The following DAP variants were observed in gnomAD, a reference collection of about 807,000 sequenced individuals.
DAP encodes the protein death-associated protein 1.
DAP carries 8 observed loss-of-function variants against 13.8 expected under a neutral mutation model. That is an observed-to-expected ratio of 0.58 (90% CI 0.34 to 1.05). The LOEUF is 1.05. Among genes scored for constraint, DAP ranks in the 50% least tolerant of loss-of-function variants. DAP has a pLI of 0.03. For synonymous variants in DAP, 47 were observed against 47.5 expected (o/e 0.99, Z 0.04); for missense variants, 106 against 133.2 (o/e 0.80, Z 1.01).
intron 2 of DAP, among the ~76,000 whole-genome samples, chr5:10,711,057 A>G (rs1266639702): frequency 6.6e-6 from 1 of 152,240 alleles, no homozygotes; most frequent in African/African-American, 2.4e-5. Flanking sequence ...TTAATTAAAC[A>G]TCAGTGAATC....
At chr5:10,739,787 T>TCACACACACACACACA (rs35309839) in intron 2 of DAP, among the ~76,000 whole-genome samples, 5 of 148,614 alleles carry the variant, frequency 3.4e-5, no homozygotes, top group African/African-American at 1.2e-4. Context: ...CTAAATTAAC[T>TCACACACACACACACA]CACACACACA....
rs865977902 is a variant in DAP at position 10,707,494 on chromosome 5, G to T, written c.153-23923C>A. Among the ~76,000 whole-genome samples the T allele has an allele frequency of 2.0e-5, 3 of 151,824 alleles. No homozygotes were observed. Among genetic ancestry groups the T allele is most frequent in the Non-Finnish European group, 4.4e-5 (3 of 68,016 alleles). ...GGTGATGTGGTGCATAAACTATGTGGTGCACAGGCAGTGTGATGCATAGGT... is the reference window on the plus strand; with the variant it reads ...GGTGATGTGGTGCATAAACTATGTGTTGCACAGGCAGTGTGATGCATAGGT... On this transcript the variant is annotated intron_variant, in intron 2 of 3. Coordinates refer to ENST00000230895, the MANE Select transcript of DAP (RefSeq NM_004394.3). The surrounding 1 kb of genome is among the most constrained non-coding windows in gnomAD (Gnocchi z 4.0).
intron 2 of DAP, among the ~76,000 whole-genome samples, chr5:10,691,659 C>G (rs1186793364): frequency 6.6e-6 from 1 of 152,196 alleles, no homozygotes; most frequent in East Asian, 1.9e-4. Flanking sequence ...TCTCAGGAAA[C>G]AGAGAGTGAA....
At position 10,683,535 on chromosome 5, in the gene DAP, G is replaced by A. The variant is rs761591844; in HGVS notation, c.189C>T (p.Ile63=). ...PKPTVFISGV[I]ARGDKDFPPA... The stretch of plus-strand genomic sequence containing the variant: ...CAGACACTCCCAGACTTACCCGGGC[G>A]ATGACCCCAGAGATGAACACAGTGG... The change falls in exon 3 of 4, where the codon ATC becomes ATT. Residue 63 remains isoleucine, a synonymous_variant. Transcript: ENST00000230895. The A allele has an allele frequency of 3.8e-5, 62 of 1,613,930 alleles. No homozygotes were observed. Among genetic ancestry groups the A allele is most frequent in the Non-Finnish European group, 4.9e-5 (58 of 1,180,012 alleles).
intron 2 of DAP, among the ~76,000 whole-genome samples, chr5:10,729,535 T>C (rs778253220): frequency 2.0e-5 from 3 of 152,256 alleles, no homozygotes; most frequent in Non-Finnish European, 4.4e-5. Flanking sequence ...ATTCCTGACT[T>C]AGATAAATTC....
intron 2 of DAP, among the ~76,000 whole-genome samples, chr5:10,690,010 A>G (rs1339851324): frequency 6.6e-6 from 1 of 152,222 alleles, no homozygotes; most frequent in East Asian, 1.9e-4. Flanking sequence ...GCTGTGCTCC[A>G]GCGCCCCCAT....
intron 2 of DAP, among the ~76,000 whole-genome samples, chr5:10,743,423 A>C (rs747922758): frequency 5.3e-5 from 8 of 152,190 alleles, no homozygotes; most frequent in Non-Finnish European, 1.0e-4. Context: ...CCATGCAAAA[A>C]GTCAAGCTCA....
intron 2 of DAP, among the ~76,000 whole-genome samples, chr5:10,737,493 G>A (rs367673846): frequency 6.6e-6 from 1 of 152,180 alleles, no homozygotes; most frequent in African/African-American, 2.4e-5. Context: ...AAGGCAGCTG[G>A]CAACTAGCCT....
intron 2 of DAP, among the ~76,000 whole-genome samples, chr5:10,701,730 TC>T (rs1287017310): frequency 2.0e-5 from 3 of 152,154 alleles, no homozygotes; most frequent in Admixed American, 6.5e-5. Flanking sequence ...GATGGTTATG[TC>T]CCTGATTCCC....
chr5:10,692,992 A>G (rs1024539144), intron 2 of DAP, among the ~76,000 whole-genome samples: 1 of 152,142 alleles, frequency 6.6e-6, no homozygotes, highest in African/African-American at 2.4e-5. Context: ...CCAAAATAGG[A>G]TTCTGTGCAA....
In DAP at chr5:10,729,061, AG is replaced by A. The variant is rs765054934; in HGVS notation, c.152+19113del. Among the ~76,000 whole-genome samples the A allele has an allele frequency of 2.0e-4, 31 of 152,320 alleles. 1 individual carries two copies. The highest frequency in any genetic ancestry group is 7.2e-4 in the Admixed American group (11 of 15,298). ...CAACATCCATGTTGTTAATTGTCCT[AG>A]TTTTTTTCTCAACCCACGGAACTTA... On this transcript the variant is annotated intron_variant, in intron 2 of 3. Coordinates refer to ENST00000230895, the MANE Select transcript of DAP (RefSeq NM_004394.3).
At chr5:10,746,196 A>G (rs1300175675) in intron 2 of DAP, among the ~76,000 whole-genome samples, 1 of 152,158 alleles carries the variant, frequency 6.6e-6, no homozygotes, top group Non-Finnish European at 1.5e-5. Context: ...AAATTTCTCC[A>G]TTCTAAAATA....
intron 2 of DAP, among the ~76,000 whole-genome samples, chr5:10,684,012 C>T (rs969788639): frequency 6.6e-6 from 1 of 152,272 alleles, no homozygotes; most frequent in South Asian, 2.1e-4. Flanking sequence ...TTTGTAGAGA[C>T]AGGGTCTTGC....
rs147072422 is a variant in DAP, at chr5:10,680,303, G to A, written c.*753C>T. ...AGAACTCTGAAGTGGCTCAGGAGGT[G>A]ACTCCTGAAAGGCAGCCCTTGCTTG... is the stretch of plus-strand genomic sequence containing the variant. On this transcript the variant is annotated 3_prime_UTR_variant, in exon 4 of 4. Transcript: ENST00000230895. 7.8e-4 allele frequency: 151 copies of A among 193,594 alleles called. 2 individuals carry two copies. In the Middle Eastern group the frequency reaches 0.012, roughly 15 times the overall value. 12.0% of individuals were successfully genotyped at this position (193,594 alleles called of 1,614,324 possible).
intron 2 of DAP, among the ~76,000 whole-genome samples, chr5:10,734,913 G>C (rs949906690): frequency 1.3e-5 from 2 of 152,028 alleles, no homozygotes; most frequent in African/African-American, 4.8e-5. Flanking sequence ...TTACTATGTG[G>C]CCCCCAGGCA....
intron 2 of DAP, among the ~76,000 whole-genome samples, chr5:10,731,424 T>C (rs908199302): frequency 6.6e-6 from 1 of 152,216 alleles, no homozygotes; most frequent in African/African-American, 2.4e-5. Context: ...ACCAGCTGCA[T>C]TGGCTTTGGA....
chr5:10,693,973 G>A (rs566198162), intron 2 of DAP, among the ~76,000 whole-genome samples: 3 of 152,186 alleles, frequency 2.0e-5, no homozygotes, highest in Admixed American at 6.5e-5. Context: ...TCTATTTTAC[G>A]GAGGAAGAAA....
At position 10,694,563 on chromosome 5, in the gene DAP, G is replaced by A. The variant is rs956579068; in HGVS notation, c.153-10992C>T. Among the ~76,000 whole-genome samples, 11 of 152,198 alleles carry A rather than the reference G, an allele frequency of 7.2e-5. 1 individual carries two copies. The highest frequency in any genetic ancestry group is 2.6e-4 in the Admixed American group (4 of 15,300). On this transcript the variant is annotated intron_variant, in intron 2 of 3. Transcript: ENST00000230895. Reference sequence around the variant, plus strand: ...GGGTAATGACCTTGAGAACTGGGCCGCACCTCAAATCAAACCCTCTGTCAG... The same window carrying A: ...GGGTAATGACCTTGAGAACTGGGCCACACCTCAAATCAAACCCTCTGTCAG...
chr5:10,759,618 C>T (rs1020504250), intron 1 of DAP, among the ~76,000 whole-genome samples: 32 of 152,244 alleles, frequency 2.1e-4, no homozygotes, highest in African/African-American at 7.0e-4. Flanking sequence ...AGAGAGCCTC[C>T]GTCACCACTG....
Sources: gnomAD v4.1 joint callset for allele counts (sites outside exome capture counted in the v4.1 genomes callset) on GRCh38, gnomAD v4.1.1 for gene constraint, Gnocchi (gnomAD v3.1) non-coding constraint, MANE v1.5 for transcripts, NCBI Gene and HGNC (gene_info 2026-07-23, HGNC 2026-07-21) for gene names.